DCC: variants seen among roughly 807,000 people sequenced by gnomAD.
The protein encoded by DCC is netrin receptor DCC.
Under a neutral mutation model 172.5 loss-of-function variants are expected in DCC, and 58 were observed. The observed-to-expected ratio is 0.34, with a 90% CI of 0.27 to 0.42. DCC has a LOEUF of 0.42. Ranked by LOEUF, DCC falls within the 10% of genes least tolerant of loss-of-function variation. The pLI is 1.00. For synonymous variants in DCC, 709 were observed against 644.5 expected (o/e 1.10, Z -1.52); for missense variants, 1,740 against 1,791.0 (o/e 0.97, Z 0.51).
intron 1 of DCC, among the ~76,000 whole-genome samples, chr18:52,372,257 C>A (rs1420879732): frequency 6.6e-6 from 1 of 152,186 alleles, no homozygotes; most frequent in Non-Finnish European, 1.5e-5. Context: ...CCCCGTGTAG[C>A]TGTAGTGCTG....
At position 53,349,869 on chromosome 18, in the gene DCC, G is replaced by A. The variant is rs555115805; in HGVS notation, c.2359+9962G>A. 1.8e-4 allele frequency among the ~76,000 whole-genome samples: 28 copies of A among 152,242 alleles called. No homozygotes were observed. In the South Asian group the frequency reaches 3.1e-3, roughly 17 times the overall value. ...TTACAAGTCAAGATGAGATTTGGGC[G>A]GGGACACAGCCAAACCATGTCAGTT... On this transcript the variant is annotated intron_variant, in intron 15 of 28. Coordinates refer to ENST00000442544, the MANE Select transcript of DCC (RefSeq NM_005215.4).
intron 12 of DCC, among the ~76,000 whole-genome samples, chr18:53,250,259 C>T (rs562179763): frequency 4.9e-4 from 74 of 151,558 alleles, no homozygotes; most frequent in African/African-American, 1.2e-3. Context: ...GTACTCCACA[C>T]GGGAAATTAT....
At chr18:52,695,848 C>A (rs999493644) in intron 1 of DCC, among the ~76,000 whole-genome samples, 1 of 152,136 alleles carries the variant, frequency 6.6e-6, no homozygotes, top group Non-Finnish European at 1.5e-5. Context: ...TACATCTGCC[C>A]TCCTTTTTGT....
At chr18:52,793,125 C>T (rs74367874) in intron 2 of DCC, among the ~76,000 whole-genome samples, 3,328 of 152,226 alleles carry the variant, frequency 0.022, 81 homozygotes, top group East Asian at 0.087. Flanking sequence ...ATGTAGGACC[C>T]ACAGATTGGT....
intron 5 of DCC, among the ~76,000 whole-genome samples, chr18:52,969,142 A>G (rs2040981892): frequency 6.6e-6 from 1 of 151,962 alleles, no homozygotes; most frequent in African/African-American, 2.4e-5. Flanking sequence ...TTCCTGGACA[A>G]TTTAATTCCC....
At position 53,217,527 on chromosome 18, in the gene DCC, T is replaced by C. The variant is rs148140337; in HGVS notation, c.1911+1930T>C. On this transcript the variant is annotated intron_variant, in intron 12 of 28. Transcript: ENST00000442544. ...AGTCACACTCCCTCTCTCCTTTTTC[T>C]CTCTCTGATCTTATTTCATAGCTTC... 5.9e-5 allele frequency among the ~76,000 whole-genome samples: 9 copies of C among 152,238 alleles called. No homozygotes were observed. The East Asian group carries it at 1.2e-3, about 20-fold the overall frequency.
At chr18:52,975,532 C>T (rs886444073) in intron 5 of DCC, among the ~76,000 whole-genome samples, 1 of 152,102 alleles carries the variant, frequency 6.6e-6, no homozygotes, top group Admixed American at 6.6e-5. Context: ...CTCTGATAGG[C>T]CCCAGTGTGT....
chr18:52,634,580 A>G (rs965843800), intron 1 of DCC, among the ~76,000 whole-genome samples: 1 of 152,248 alleles, frequency 6.6e-6, no homozygotes, highest in African/African-American at 2.4e-5. Flanking sequence ...GAAAAAGTGA[A>G]TTATTAAATA....
At chr18:53,314,954 T>C (rs1248769024) in intron 13 of DCC, among the ~76,000 whole-genome samples, 2 of 152,176 alleles carry the variant, frequency 1.3e-5, no homozygotes, top group Non-Finnish European at 2.9e-5. Context: ...AGATGGCCTC[T>C]AAACTGCTTT....
chr18:52,956,735 T>C (rs143934900), intron 5 of DCC, among the ~76,000 whole-genome samples: 6 of 152,280 alleles, frequency 3.9e-5, no homozygotes, highest in South Asian at 2.1e-4. Context: ...CCATGGAATA[T>C]TTCTCAATTT....
At chr18:52,969,533 A>T (rs1261020390) in intron 5 of DCC, among the ~76,000 whole-genome samples, 1 of 150,010 alleles carries the variant, frequency 6.7e-6, no homozygotes, top group Non-Finnish European at 1.5e-5. Flanking sequence ...TGACTTACTT[A>T]TCTCAACCAG....
At chr18:53,388,611 CT>C (rs1908333281) in intron 16 of DCC, among the ~76,000 whole-genome samples, 1 of 152,158 alleles carries the variant, frequency 6.6e-6, no homozygotes, top group Non-Finnish European at 1.5e-5. Flanking sequence ...CTCATTTTTG[CT>C]GTAAAGCCCT....
rs115916839 is a variant in DCC at position 52,504,157 on chromosome 18, C to T, written c.91+163279C>T. Among the ~76,000 whole-genome samples, 667 of 152,174 alleles carry T rather than the reference C, an allele frequency of 4.4e-3. 8 individuals carry two copies. Among genetic ancestry groups the T allele is most frequent in the African/African-American group, 0.015 (642 of 41,516 alleles). ...GATGCGTTGGGGAGGGGGGCTGGTA[C>T]GGGTGATTGCTGGGTAGCCTGGATC... On this transcript the variant is annotated intron_variant, in intron 1 of 28. Coordinates refer to ENST00000442544, the MANE Select transcript of DCC (RefSeq NM_005215.4).
In DCC at chr18:52,467,211, G is replaced by A. The variant is rs185381646; in HGVS notation, c.91+126333G>A. Among the ~76,000 whole-genome samples the A allele has an allele frequency of 1.9e-4, 29 of 151,280 alleles. 1 individual carries two copies. The highest frequency in any genetic ancestry group is 8.4e-4 in the South Asian group (4 of 4,764). ...TCCCTCCCCTAGTCCCCCACCCCCC[G>A]ACAGGCCCTGGTGTGTGATGTTCCT... On this transcript the variant is annotated intron_variant, in intron 1 of 28. Transcript: ENST00000442544.
At chr18:52,696,100 TAC>T (rs1443175088) in intron 1 of DCC, among the ~76,000 whole-genome samples, 1 of 152,240 alleles carries the variant, frequency 6.6e-6, no homozygotes, top group East Asian at 1.9e-4. Flanking sequence ...CATAAGTGCA[TAC>T]ACTAAAGCAT....
In DCC at chr18:53,417,396, A is replaced by G. The variant is rs573134962; in HGVS notation, c.3163+1240A>G. ...GGTTTTCATTAATCTAGCTGCTCCT[A>G]CTTGCTTCCACTGAAAATGTTTTCA... On this transcript the variant is annotated intron_variant, in intron 21 of 28. Transcript: ENST00000442544. Among the ~76,000 whole-genome samples the G allele has an allele frequency of 5.3e-5, 8 of 152,264 alleles. No individual in the cohort carries two copies. The South Asian group carries it at 1.0e-3, about 20-fold the overall frequency.
At chr18:52,918,902 T>C (rs1439735889) in intron 3 of DCC, among the ~76,000 whole-genome samples, 1 of 152,194 alleles carries the variant, frequency 6.6e-6, no homozygotes, top group Non-Finnish European at 1.5e-5. Context: ...TCAGTTATTT[T>C]TTGCAGCATA....
intron 9 of DCC, among the ~76,000 whole-genome samples, chr18:53,188,640 T>C (rs2055321858): frequency 6.6e-6 from 1 of 152,208 alleles, no homozygotes. Context: ...TATCTAGGGC[T>C]ACCTTAACAA....
chr18:52,473,992 T>G (rs1254210744), intron 1 of DCC, among the ~76,000 whole-genome samples: 3 of 152,094 alleles, frequency 2.0e-5, no homozygotes, highest in African/African-American at 7.2e-5. Flanking sequence ...CATTTCTTTT[T>G]TTTTACTGCT....
Sources: allele counts gnomAD v4.1 joint callset (sites outside exome capture counted in the v4.1 genomes callset), GRCh38; gene constraint gnomAD v4.1.1; transcripts MANE v1.5; gene names NCBI Gene and HGNC (gene_info 2026-07-23, HGNC 2026-07-21).